Variants in GLP2R observed in about 807,000 individuals in gnomAD.
GLP2R encodes the protein glucagon like peptide 2 receptor.
GLP2R carries 59 observed loss-of-function variants against 68.2 expected under a neutral mutation model. That is an observed-to-expected ratio of 0.87 (90% CI 0.70 to 1.07). GLP2R has a LOEUF of 1.07. Ranked by LOEUF, GLP2R falls within the 50% of genes least tolerant of loss-of-function variation. The probability of loss-of-function intolerance (pLI) is 0.00; values close to 1 mark genes in which losing one functional copy is unlikely to be tolerated. For synonymous variants in GLP2R, 270 were observed against 265.4 expected (o/e 1.02, Z -0.17); for missense variants, 548 against 677.4 (o/e 0.81, Z 2.12).
At chr17:9,872,834 A>G (rs1468682020) in intron 10 of GLP2R, among the ~76,000 whole-genome samples, 1 of 152,192 alleles carries the variant, frequency 6.6e-6, no homozygotes, top group African/African-American at 2.4e-5. Flanking sequence ...GTCTGTAGAT[A>G]TGGTTATAAA....
At chr17:9,861,287 A>G in intron 8 of GLP2R, 88 bp downstream of exon 8, 1 of 905,270 alleles carries the variant, frequency 1.1e-6, no homozygotes, top group Admixed American at 1.8e-5. Flanking sequence ...TTTACCGTAG[A>G]AAATATCTAT....
intron 4 of GLP2R, among the ~76,000 whole-genome samples, chr17:9,847,459 G>A (rs964279128): frequency 6.6e-6 from 1 of 151,966 alleles, no homozygotes; most frequent in Admixed American, 6.6e-5. Flanking sequence ...TAGTGGAGAC[G>A]GGGTTTCACC....
At chr17:9,849,607 CTTTTTTTTT>C (rs57795068) in intron 4 of GLP2R, among the ~76,000 whole-genome samples, 4 of 87,116 alleles carry the variant, frequency 4.6e-5, no homozygotes, top group East Asian at 3.6e-4. Flanking sequence ...TTTTCTCTTT[CTTTTTTTTT>C]TTTTTTTTTT....
At chr17:9,877,608 T>G (rs2067152465) in intron 10 of GLP2R, among the ~76,000 whole-genome samples, 1 of 152,012 alleles carries the variant, frequency 6.6e-6, no homozygotes, top group African/African-American at 2.4e-5. Context: ...GGGGAAACTA[T>G]GCCGGGGGCG....
chr17:9,833,065 A>G (rs1036525810), intron 1 of GLP2R, among the ~76,000 whole-genome samples: 10 of 152,132 alleles, frequency 6.6e-5, no homozygotes, highest in African/African-American at 2.2e-4. Context: ...GATCAAGACC[A>G]TCCTGCCCAA....
At chr17:9,839,475 C>G (rs1042232922) in intron 3 of GLP2R, among the ~76,000 whole-genome samples, 1 of 152,100 alleles carries the variant, frequency 6.6e-6, no homozygotes, top group African/African-American at 2.4e-5. Context: ...CCCACCCAAG[C>G]CCACATCTCA....
chr17:9,866,669 C>T (rs375889642), intron 9 of GLP2R: 2 of 152,192 alleles, frequency 1.3e-5, no homozygotes, highest in African/African-American at 4.8e-5. Context: ...CATTGAGCAC[C>T]TTCACTGGGC....
rs756276974 is a variant in GLP2R, at chr17:9,889,519, G to A, written c.1476G>A (p.Lys492=). 1 of 1,614,242 alleles carries A rather than the reference G, an allele frequency of 6.2e-7. No homozygotes were observed. The highest frequency in any genetic ancestry group is 8.5e-7 in the Non-Finnish European group (1 of 1,180,040). Residue 492 remains lysine, a synonymous_variant, in exon 13 of 13, where the codon AAG becomes AAA. Transcript: ENST00000262441. Reference sequence around the variant, plus strand: ...GAGATGGCGCTGAGAAGCTTCGGAAGCTGCAGCCCTCACTTAACAGTGGGC... The same window carrying A: ...GAGATGGCGCTGAGAAGCTTCGGAAACTGCAGCCCTCACTTAACAGTGGGC... ...SEGDGAEKLR[K]LQPSLNSGRL...
intron 1 of GLP2R, among the ~76,000 whole-genome samples, chr17:9,832,638 C>G (rs563683239): frequency 2.8e-4 from 42 of 151,862 alleles, no homozygotes; most frequent in African/African-American, 9.9e-4. Context: ...TGCTGAGGTG[C>G]GAGGATCACT....
intron 9 of GLP2R, among the ~76,000 whole-genome samples, chr17:9,862,537 T>C (rs970419808): frequency 1.3e-5 from 2 of 152,162 alleles, no homozygotes; most frequent in African/African-American, 2.4e-5. Flanking sequence ...TGATGCAGCT[T>C]AGAATCAAGA....
At chr17:9,884,200 G>A (rs975447568) in intron 11 of GLP2R, among the ~76,000 whole-genome samples, 1 of 152,010 alleles carries the variant, frequency 6.6e-6, no homozygotes, top group Non-Finnish European at 1.5e-5. Context: ...GTAATCCCTG[G>A]AATAAACACT....
At chr17:9,839,008 A>T (rs976413116) in intron 3 of GLP2R, among the ~76,000 whole-genome samples, 1 of 152,206 alleles carries the variant, frequency 6.6e-6, no homozygotes, top group African/African-American at 2.4e-5. Context: ...GCTGTAACTG[A>T]CGACTGAGGC....
At chr17:9,870,636 C>G in intron 9 of GLP2R, 111 bp from the exon 10 acceptor site, 1 of 702,260 alleles carries the variant, frequency 1.4e-6, no homozygotes, top group Non-Finnish European at 2.6e-6. Flanking sequence ...CTGAATTGCC[C>G]CTGGTTTACA....
chr17:9,833,922 C>A, intron 2 of GLP2R, 28 bp downstream of exon 2: 1 of 1,416,338 alleles, frequency 7.1e-7, no homozygotes, highest in Non-Finnish European at 1.0e-6. Context: ...TTATCCGTGG[C>A]TGTGTAACAA....
At chr17:9,881,563 G>A (rs1331126108) in intron 11 of GLP2R, among the ~76,000 whole-genome samples, 1 of 141,320 alleles carries the variant, frequency 7.1e-6, no homozygotes, top group East Asian at 1.9e-4. Flanking sequence ...TGTATTTTTA[G>A]TAGAGACGGG....
chr17:9,870,394 A>G (rs1567733298), intron 9 of GLP2R, among the ~76,000 whole-genome samples: 1 of 152,218 alleles, frequency 6.6e-6, no homozygotes, highest in Non-Finnish European at 1.5e-5. Flanking sequence ...TAACAATAAT[A>G]GTAATAATAA....
intron 4 of GLP2R, among the ~76,000 whole-genome samples, chr17:9,847,054 C>T (rs770691563): frequency 3.9e-5 from 6 of 152,182 alleles, no homozygotes; most frequent in Non-Finnish European, 7.3e-5. Context: ...ATTAATGCCC[C>T]CCATGGCCAA....
intron 1 of GLP2R, among the ~76,000 whole-genome samples, chr17:9,829,805 C>T (rs2066664375): frequency 1.3e-5 from 2 of 152,138 alleles, no homozygotes; most frequent in South Asian, 2.1e-4. Flanking sequence ...TCACCTTCTC[C>T]CCTTTTTGCA....
Position 9,870,950 on chromosome 17 carries a change from G to A in GLP2R, c.1145+115G>A, listed in dbSNP as rs185211733. 1.0e-4 allele frequency: 68 copies of A among 679,874 alleles called. No individual in the cohort carries two copies. In the African/African-American group the frequency reaches 1.1e-3, roughly 11 times the overall value. 42.1% of individuals were successfully genotyped at this position (679,874 alleles called of 1,614,324 possible). A position where few individuals can be genotyped will look rare whatever the true frequency, so the allele number is the denominator to read the frequency against. ...TCCTAAGGCCAGGGTATCAGAAAGA[G>A]CAGTTCTGGGAAGGTGCTATAGGAT... On this transcript the variant is annotated intron_variant, in intron 10 of 12. Coordinates refer to ENST00000262441, the MANE Select transcript of GLP2R (RefSeq NM_004246.3).
Sources: gnomAD v4.1 joint callset for allele counts (sites outside exome capture counted in the v4.1 genomes callset) on GRCh38, gnomAD v4.1.1 for gene constraint, MANE v1.5 for transcripts, NCBI Gene and HGNC (gene_info 2026-07-23, HGNC 2026-07-21) for gene names.